Variants in GRM7 observed in about 807,000 individuals in gnomAD.
GRM7 encodes metabotropic glutamate receptor 7.
Under a neutral mutation model 84.5 loss-of-function variants are expected in GRM7, and 35 were observed. That is an observed-to-expected ratio of 0.41 (90% CI 0.32 to 0.55). The LOEUF is 0.55. GRM7 is among the 20% of genes least tolerant of loss of function. The pLI, the probability that GRM7 is intolerant of heterozygous loss-of-function variation, is 0.19. For missense variants in GRM7, 1,003 were observed against 1,194.6 expected, an observed-to-expected ratio of 0.84 and a Z score of 2.36; for synonymous variants, 487 against 455.1, an observed-to-expected ratio of 1.07 and a Z score of -0.89.
chr3:7,613,862 G>A lies in GRM7; in HGVS notation c.2451+34505G>A, dbSNP rs1696957248. 2.0e-5 allele frequency among the ~76,000 whole-genome samples: 3 copies of A among 152,164 alleles called. No homozygotes were observed. In the South Asian group the frequency reaches 6.2e-4, roughly 31 times the overall value. ...GGGAAACTCTGCGAAAACATTTTTA[G>A]TAGAAGTTTTGATACCACTGTTGTT... is the stretch of plus-strand genomic sequence containing the variant. On this transcript the variant is annotated intron_variant, in intron 8 of 9. Transcript: ENST00000357716.
At chr3:6,988,238 T>C (rs1000042032) in intron 1 of GRM7, among the ~76,000 whole-genome samples, 1 of 146,568 alleles carries the variant, frequency 6.8e-6, no homozygotes, top group African/African-American at 2.6e-5. Flanking sequence ...CTCGATCTCC[T>C]GACCTCATGA....
chr3:7,288,738 T>A (rs1348661536), intron 2 of GRM7, among the ~76,000 whole-genome samples: 2 of 152,146 alleles, frequency 1.3e-5, no homozygotes, highest in Admixed American at 1.3e-4. Flanking sequence ...AAAGTAGTAG[T>A]ATATAGATGA....
chr3:7,019,266 A>G (rs1344972843), intron 1 of GRM7, among the ~76,000 whole-genome samples: 1 of 152,188 alleles, frequency 6.6e-6, no homozygotes, highest in Non-Finnish European at 1.5e-5. Flanking sequence ...CATCAGAGTC[A>G]CACAATGGAT....
chr3:7,364,924 T>G (rs1693815834), intron 4 of GRM7, among the ~76,000 whole-genome samples: 1 of 151,898 alleles, frequency 6.6e-6, no homozygotes, highest in African/African-American at 2.4e-5. Flanking sequence ...CTCACTTACC[T>G]GGTTCGCTCT....
At position 7,573,129 on chromosome 3, in the gene GRM7, A is replaced by G. The variant is rs1300198165; in HGVS notation, c.1516-5293A>G. ...TAGCTCCTCTACCTCACCCCTCCTC[A>G]TCAGAACCAAAACCTGGCGCTTTCC... On this transcript the variant is annotated intron_variant, in intron 7 of 9. Coordinates refer to ENST00000357716, the MANE Select transcript of GRM7 (RefSeq NM_000844.4). 2.6e-5 allele frequency among the ~76,000 whole-genome samples: 4 copies of G among 151,706 alleles called. No homozygotes were observed. In the East Asian group the frequency reaches 5.9e-4, roughly 22 times the overall value.
chr3:7,380,966 T>C (rs1401795368), intron 4 of GRM7, among the ~76,000 whole-genome samples: 1 of 152,104 alleles, frequency 6.6e-6, no homozygotes, highest in Non-Finnish European at 1.5e-5. Context: ...ACCGTGTGTT[T>C]TGAAGTCATA....
Position 6,956,570 on chromosome 3 carries a change from G to C in GRM7, c.519+94663G>C, listed in dbSNP as rs905165370. On this transcript the variant is annotated intron_variant, in intron 1 of 9. Coordinates refer to ENST00000357716, the MANE Select transcript of GRM7 (RefSeq NM_000844.4). Reference sequence around the variant, plus strand: ...ACTCTCTCTTCTGTTCTCCTAGGGAGATGCCCTTCTATCCTGTCTCAGTTT... The same window carrying C: ...ACTCTCTCTTCTGTTCTCCTAGGGACATGCCCTTCTATCCTGTCTCAGTTT... The C allele has an allele frequency of 1.3e-5, 6 of 456,674 alleles. No individual in the cohort carries two copies. In the East Asian group the frequency reaches 2.1e-4, roughly 16 times the overall value. The allele number at this position is 456,674 out of a possible 1,614,324, so 28.3% of individuals were successfully genotyped here. A position where few individuals can be genotyped will look rare whatever the true frequency, so the allele number is the denominator to read the frequency against.
At chr3:7,578,035 G>A (rs111926483) in intron 7 of GRM7, among the ~76,000 whole-genome samples, 10 of 152,086 alleles carry the variant, frequency 6.6e-5, no homozygotes, top group Admixed American at 1.3e-4. Flanking sequence ...CTTATTACCC[G>A]GGGGGAAGAC....
At chr3:7,037,777 C>G (rs1041088215) in intron 1 of GRM7, among the ~76,000 whole-genome samples, 1 of 152,094 alleles carries the variant, frequency 6.6e-6, no homozygotes, top group African/African-American at 2.4e-5. Context: ...CAGCAACAGT[C>G]ACACATCTGA....
intron 1 of GRM7, among the ~76,000 whole-genome samples, chr3:7,048,652 A>G (rs1438141823): frequency 2.6e-5 from 4 of 151,988 alleles, no homozygotes; most frequent in Non-Finnish European, 5.9e-5. Flanking sequence ...TGATATGTAT[A>G]TATGGACACA....
Position 7,631,271 on chromosome 3 carries a change from A to T in GRM7, c.2452-48778A>T, listed in dbSNP as rs575044046. ...CTGTTTCTGCTGCAAATCTTTGTAA[A>T]AGATAAAGATTCCAACAGAGGGACA... On this transcript the variant is annotated intron_variant, in intron 8 of 9. Transcript: ENST00000357716. Among the ~76,000 whole-genome samples the T allele has an allele frequency of 1.5e-3, 221 of 152,202 alleles. 1 individual carries two copies. Among genetic ancestry groups the T allele is most frequent in the African/African-American group, 5.1e-3 (212 of 41,508 alleles).
chr3:7,277,004 G>A (rs1328689728), intron 2 of GRM7, among the ~76,000 whole-genome samples: 2 of 151,944 alleles, frequency 1.3e-5, no homozygotes, highest in African/African-American at 4.8e-5. Flanking sequence ...CCAGTTAAAA[G>A]CAGTGTTGTA....
chr3:7,054,152 A>T (rs75300154), intron 1 of GRM7, among the ~76,000 whole-genome samples: 4,591 of 150,600 alleles, frequency 0.03, 187 homozygotes, highest in African/African-American at 0.092. Context: ...TCTATATTGA[A>T]CTTATATCAT....
intron 3 of GRM7, among the ~76,000 whole-genome samples, chr3:7,300,291 C>T (rs2125024088): frequency 6.6e-6 from 1 of 152,316 alleles, no homozygotes; most frequent in Middle Eastern, 3.4e-3. Context: ...TCAAACCTGT[C>T]TCTTTCCCTG....
intron 9 of GRM7, among the ~76,000 whole-genome samples, chr3:7,707,449 C>CA (rs1204899445): frequency 1.3e-5 from 2 of 152,080 alleles, no homozygotes; most frequent in Admixed American, 1.3e-4. Flanking sequence ...CATGACTGCC[C>CA]ACGTGTGCTT....
chr3:6,925,870 A>G (rs1697281072), intron 1 of GRM7, among the ~76,000 whole-genome samples: 1 of 152,142 alleles, frequency 6.6e-6, no homozygotes. Flanking sequence ...TCACATCCCT[A>G]AAGTCTTCTC....
At chr3:6,883,082 A>G (rs1182515010) in intron 1 of GRM7, among the ~76,000 whole-genome samples, 1 of 152,152 alleles carries the variant, frequency 6.6e-6, no homozygotes, top group Non-Finnish European at 1.5e-5. Context: ...AGCATTAGCC[A>G]TTTATTTCAT....
chr3:7,310,270 G>T (rs548268867), intron 4 of GRM7, among the ~76,000 whole-genome samples: 1 of 142,164 alleles, frequency 7.0e-6, no homozygotes, highest in South Asian at 2.1e-4. Flanking sequence ...TTTCAAATGG[G>T]ACTGTAGAAC....
chr3:7,072,200 A>G (rs928395897), intron 1 of GRM7, among the ~76,000 whole-genome samples: 1 of 152,078 alleles, frequency 6.6e-6, no homozygotes, highest in African/African-American at 2.4e-5. Context: ...TAGTTGTATA[A>G]TCCCTTCCCC....
Sources: allele counts gnomAD v4.1 joint callset (sites outside exome capture counted in the v4.1 genomes callset), GRCh38; gene constraint gnomAD v4.1.1; transcripts MANE v1.5; gene names NCBI Gene and HGNC (gene_info 2026-07-23, HGNC 2026-07-21).